Variants in LIPT1 observed in about 807,000 individuals in gnomAD.
LIPT1 encodes lipoyl amidotransferase LIPT1, mitochondrial.
LIPT1 carries 22 observed loss-of-function variants against 25.1 expected under a neutral mutation model. The ratio of observed to expected loss-of-function variants is 0.88; its 90% CI spans 0.63 to 1.25. The LOEUF is 1.25. LIPT1 is among the 50% of genes most tolerant of loss of function. LIPT1 has a pLI of 0.00. For missense variants in LIPT1, 399 were observed against 432.8 expected, an observed-to-expected ratio of 0.92 and a Z score of 0.69; for synonymous variants, 131 against 150.8, an observed-to-expected ratio of 0.87 and a Z score of 0.96.
At chr2:99,161,349 C>A (rs549906390) in intron 1 of LIPT1, 10 of 100,200 alleles carry the variant, frequency 1.0e-4, no homozygotes, top group Admixed American at 2.5e-4. Context: ...GATTGAATGT[C>A]GAATGAAATA....
chr2:99,156,284 A>G (rs892957322), intron 1 of LIPT1: 1 of 151,784 alleles, frequency 6.6e-6, no homozygotes, highest in African/African-American at 2.4e-5. Context: ...TATCAGCTCT[A>G]CATTTTTTTT....
At position 99,162,559 on chromosome 2, in the gene LIPT1, G is replaced by C. The variant is rs1032871228; in HGVS notation, c.602G>C (p.Arg201Thr). Residue 201 changes from arginine to threonine, a missense_variant, in exon 2 of 2, where the codon AGG becomes ACG. Arg to Thr is a moderately conservative substitution (Grantham distance 71). Transcript: ENST00000651691. ...SLLKSPYQGI[R>T]SNATASIPSL... The stretch of plus-strand genomic sequence containing the variant: ...CTAAAGAGCCCTTACCAAGGGATCA[G>C]GAGCAATGCCACTGCTAGCATACCT... 3.7e-6 allele frequency: 6 copies of C among 1,614,188 alleles called. No individual in the cohort carries two copies. Among genetic ancestry groups the C allele is most frequent in the Non-Finnish European group, 3.4e-6 (4 of 1,180,044 alleles).
intron 1 of LIPT1, among the ~76,000 whole-genome samples, chr2:99,159,311 C>G (rs902409019): frequency 3.9e-5 from 6 of 152,234 alleles, no homozygotes; most frequent in Admixed American, 1.3e-4. Context: ...GATCCGCCTG[C>G]CTCGGCCTCC....
intron 1 of LIPT1, among the ~76,000 whole-genome samples, chr2:99,158,925 CTTCTT>C (rs1222996956): frequency 6.6e-5 from 10 of 152,018 alleles, no homozygotes; most frequent in Admixed American, 5.9e-4. Flanking sequence ...ACAGGTTCAC[CTTCTT>C]TTCTTTTTTT....
At position 99,162,522 on chromosome 2, in the gene LIPT1, T is replaced by C. The variant is rs2632277; in HGVS notation, c.565T>C (p.Leu189=). ...TLLCSTDGTF[L]SSLLKSPYQG... The stretch of plus-strand genomic sequence containing the variant: ...ATTATGTAGTACTGATGGGACGTTC[T>C]TGTCTTCTTTGCTAAAGAGCCCTTA... The change falls in exon 2 of 2, where the codon TTG becomes CTG. Residue 189 remains leucine (L), a synonymous_variant. Coordinates refer to ENST00000651691, the MANE Select transcript of LIPT1 (RefSeq NM_145199.3). The C allele has an allele frequency of 0.63, 1,011,103 of 1,613,700 alleles. 321,040 individuals carry two copies. The highest frequency in any genetic ancestry group is 0.88 in the East Asian group (39,572 of 44,864).
Position 99,161,945 on chromosome 2 carries a change from C to A in LIPT1, c.-1-12C>A. ...TCGATGAATTAATTTGTTTGTCTTCCATTTTTAAAAGCATGCTGATCCCAT... is the reference window on the plus strand; with the variant it reads ...TCGATGAATTAATTTGTTTGTCTTCAATTTTTAAAAGCATGCTGATCCCAT... On this transcript the variant is annotated splice_polypyrimidine_tract_variant and intron_variant, in intron 1 of 1. Coordinates refer to ENST00000651691, the MANE Select transcript of LIPT1 (RefSeq NM_145199.3). The A allele has an allele frequency of 6.4e-7, 1 of 1,555,194 alleles. No homozygotes were observed. The highest frequency in any genetic ancestry group is 8.7e-7 in the Non-Finnish European group (1 of 1,151,516).
intron 1 of LIPT1, among the ~76,000 whole-genome samples, chr2:99,159,185 C>T (rs1574804971): frequency 1.3e-5 from 2 of 149,198 alleles, no homozygotes; most frequent in East Asian, 4.0e-4. Flanking sequence ...GCCTCGGCCT[C>T]CCAGAGCTGC....
intron 1 of LIPT1, among the ~76,000 whole-genome samples, chr2:99,155,804 C>T (rs1386603136): frequency 1.3e-5 from 2 of 152,180 alleles, no homozygotes; most frequent in African/African-American, 4.8e-5. Context: ...GAGGGTATCC[C>T]GGCTTAAGAG....
chr2:99,155,673 CT>C, intron 1 of LIPT1: 1 of 391,232 alleles, frequency 2.6e-6, no homozygotes, highest in South Asian at 1.9e-5. Flanking sequence ...ATCCCAACGA[CT>C]GTGAAATATC....
At position 99,162,201 on chromosome 2, in the gene LIPT1, C is replaced by T; in HGVS notation, c.244C>T (p.Gln82Ter). Reference protein sequence around the residue: ...VVIGRHQNPWQECNLNLMREE... With the variant: ...VVIGRHQNPW Reference sequence around the variant, plus strand: ...AATTGGTAGGCATCAAAATCCTTGGCAGGAATGTAACCTGAATCTAATGAG... The same window carrying T: ...AATTGGTAGGCATCAAAATCCTTGGTAGGAATGTAACCTGAATCTAATGAG... Residue 82 changes from glutamine to a stop codon, truncating the protein, a stop_gained, in exon 2 of 2, where the codon CAG becomes TAG. Coordinates refer to ENST00000651691, the MANE Select transcript of LIPT1 (RefSeq NM_145199.3). LOFTEE classifies it high-confidence loss of function. The T allele has an allele frequency of 1.9e-6, 3 of 1,613,978 alleles. No individual in the cohort carries two copies. The highest frequency in any genetic ancestry group is 1.6e-4 in the Middle Eastern group (1 of 6,062).
rs1226285340 is a variant in LIPT1 at position 99,162,161 on chromosome 2, T to G, written c.204T>G (p.Asn68Lys). The stretch of plus-strand genomic sequence containing the variant: ...AACCAATTCTATTCTTTTGGCAGAA[T>G]TCTCCCTCTGTTGTAATTGGTAGGC... ...EGKPILFFWQ[N>K]SPSVVIGRHQ... is the part of the protein sequence containing the mutation. Residue 68 changes from asparagine to lysine, a missense_variant, in exon 2 of 2, where the codon AAT (asparagine) becomes AAG (lysine). Asn to Lys is a moderately conservative substitution (Grantham distance 94). Coordinates refer to ENST00000651691, the MANE Select transcript of LIPT1 (RefSeq NM_145199.3). 3.1e-6 allele frequency: 5 copies of G among 1,613,912 alleles called. No homozygotes were observed. The highest frequency in any genetic ancestry group is 3.4e-6 in the Non-Finnish European group (4 of 1,179,946).
intron 1 of LIPT1, chr2:99,156,282 C>T (rs1324289987): frequency 6.6e-6 from 1 of 152,098 alleles, no homozygotes; most frequent in Non-Finnish European, 1.5e-5. Flanking sequence ...TTTATCAGCT[C>T]TACATTTTTT....
chr2:99,162,046 A>G lies in LIPT1; in HGVS notation c.89A>G (p.Asn30Ser). Reference protein sequence around the residue: ...PAAGFKKTVKNGLILQSISND... With the variant: ...PAAGFKKTVKSGLILQSISND... ...GCTGGCTTTAAAAAAACAGTAAAAA[A>G]TGGGCTCATTTTACAGTCAATTTCC... The change falls in exon 2 of 2, where the codon AAT (asparagine) becomes AGT (serine). Residue 30 changes from asparagine (N) to serine (S), a missense_variant. Coordinates refer to ENST00000651691, the MANE Select transcript of LIPT1 (RefSeq NM_145199.3). 1.2e-6 allele frequency: 2 copies of G among 1,614,186 alleles called. No individual in the cohort carries two copies. Among genetic ancestry groups the G allele is most frequent in the Non-Finnish European group, 1.7e-6 (2 of 1,180,020 alleles).
chr2:99,160,424 T>C (rs969263002), intron 1 of LIPT1, among the ~76,000 whole-genome samples: 6 of 152,208 alleles, frequency 3.9e-5, no homozygotes, highest in Non-Finnish European at 7.4e-5. Context: ...TTATGAACTT[T>C]CTTTATTTAG....
At chr2:99,155,101 G>A (rs1416886755) in intron 1 of LIPT1, 50 bp downstream of exon 1, 2 of 453,084 alleles carry the variant, frequency 4.4e-6, no homozygotes, top group Non-Finnish European at 8.9e-6. Context: ...GCCGTAGCGC[G>A]TGGGCGGCCG....
At chr2:99,161,800 T>G in intron 1 of LIPT1, 157 bp from the exon 2 acceptor site, 1 of 554,274 alleles carries the variant, frequency 1.8e-6, no homozygotes, top group East Asian at 2.9e-5. Context: ...TACTTGGTTA[T>G]AGCATTGCTA....
At position 99,162,823 on chromosome 2, in the gene LIPT1, A is replaced by G. The variant is rs1196217039; in HGVS notation, c.866A>G (p.Tyr289Cys). Residue 289 changes from tyrosine to cysteine, a missense_variant, in exon 2 of 2, where the codon TAT (tyrosine) becomes TGT (cysteine). Transcript: ENST00000651691. ...ATAAATACTTCCTTTCATGTGTTAT[A>G]TGAACAGTCACACTTGGAAATTAAA... is the stretch of plus-strand genomic sequence containing the variant. ...FSINTSFHVL[Y>C]EQSHLEIKVF... 28 of 1,614,094 alleles carry G rather than the reference A, an allele frequency of 1.7e-5. No individual in the cohort carries two copies. Among genetic ancestry groups the G allele is most frequent in the Non-Finnish European group, 2.1e-5 (25 of 1,179,942 alleles).
chr2:99,161,645 C>A, intron 1 of LIPT1: 1 of 197,574 alleles, frequency 5.1e-6, no homozygotes, highest in Non-Finnish European at 1.0e-5. Context: ...TGAGACCAGC[C>A]TGGGCAACAT....
intron 1 of LIPT1, among the ~76,000 whole-genome samples, chr2:99,158,269 G>T (rs572324015): frequency 6.6e-6 from 1 of 152,062 alleles, no homozygotes; most frequent in African/African-American, 2.4e-5. Flanking sequence ...GCCAAGTATT[G>T]TACATTCTCC....
Sources: allele counts gnomAD v4.1 joint callset (sites outside exome capture counted in the v4.1 genomes callset), GRCh38; gene constraint gnomAD v4.1.1; transcripts MANE v1.5; gene names NCBI Gene and HGNC (gene_info 2026-07-23, HGNC 2026-07-21).